RIMBP2: variants seen among roughly 807,000 people sequenced by gnomAD.
RIMBP2 encodes RIMS binding protein 2.
Under a neutral mutation model 118.6 loss-of-function variants are expected in RIMBP2, and 48 were observed. The ratio of observed to expected loss-of-function variants is 0.40; its 90% CI spans 0.32 to 0.51. The LOEUF is 0.51. RIMBP2 is among the 20% of genes least tolerant of loss of function. The pLI is 0.41. For synonymous variants in RIMBP2, 762 were observed against 742.9 expected, an observed-to-expected ratio of 1.03 and a Z score of -0.42; for missense variants, 1,551 against 1,768.3, an observed-to-expected ratio of 0.88 and a Z score of 2.20.
chr12:130,628,905 A>G (rs2061810760), intron 1 of RIMBP2, among the ~76,000 whole-genome samples: 1 of 152,216 alleles, frequency 6.6e-6, no homozygotes, highest in East Asian at 1.9e-4. Context: ...CCAGCCGATG[A>G]CAGAAAGAGT....
chr12:130,713,171 GAAGAAGGAAGGAAGGA>G (rs1424875471), intron 1 of RIMBP2, among the ~76,000 whole-genome samples: 1 of 114,772 alleles, frequency 8.7e-6, no homozygotes, highest in African/African-American at 3.9e-5. Context: ...AAGAGTGAGA[GAAGAAGGAAGGAAGGA>G]AAGAAGGAAG....
At chr12:130,626,645 C>T (rs2061654405) in intron 2 of RIMBP2, among the ~76,000 whole-genome samples, 1 of 151,658 alleles carries the variant, frequency 6.6e-6, no homozygotes, top group African/African-American at 2.4e-5. Context: ...TCACCACAAT[C>T]TCCTCCATCA....
chr12:130,412,680 C>G lies in RIMBP2; in HGVS notation c.3528G>C (p.Glu1176Asp). ...MVSEIQADDE[E>D]MMDQLLRQGF... ...CCTGTCTAAGAAGCTGATCCATCAT[C>G]TCCTCATCATCTGCTTGTATCTCAG... Residue 1176 changes from glutamate to aspartate, a missense_variant, in exon 19 of 23, where the codon GAG becomes GAC. By Grantham distance (45) the Glu-to-Asp change is conservative (BLOSUM62 2). Coordinates refer to ENST00000690449, the MANE Select transcript of RIMBP2 (RefSeq NM_001393629.1). 6.2e-7 allele frequency: 1 copy of G among 1,613,924 alleles called. No individual in the cohort carries two copies. The highest frequency in any genetic ancestry group is 8.5e-7 in the Non-Finnish European group (1 of 1,179,982).
chr12:130,399,950 G>A, intron 21 of RIMBP2, 137 bp from the exon 22 acceptor site: 2 of 983,250 alleles, frequency 2.0e-6, no homozygotes, highest in Non-Finnish European at 2.9e-6. Flanking sequence ...GACTTGAAAG[G>A]ACTCTAAATC....
intron 4 of RIMBP2, among the ~76,000 whole-genome samples, chr12:130,485,206 G>A (rs1460270182): frequency 1.3e-5 from 2 of 152,250 alleles, no homozygotes; most frequent in Non-Finnish European, 2.9e-5. Flanking sequence ...TGAGAAATCG[G>A]AATGTGGCTG....
intron 1 of RIMBP2, among the ~76,000 whole-genome samples, chr12:130,680,988 C>A (rs2064756300): frequency 6.6e-6 from 1 of 152,214 alleles, no homozygotes; most frequent in South Asian, 2.1e-4. Context: ...ATCTCTGTAG[C>A]ATCTACAGGG....
intron 12 of RIMBP2, 33 bp downstream of exon 12, chr12:130,438,332 C>A (rs765218611): frequency 2.8e-6 from 4 of 1,441,450 alleles, no homozygotes; most frequent in East Asian, 4.7e-5. Context: ...TAGGGCCTAA[C>A]AAACCCTCCC....
At chr12:130,480,544 TTTTTATTA>T (rs758434192) in intron 4 of RIMBP2, among the ~76,000 whole-genome samples, 2 of 152,224 alleles carry the variant, frequency 1.3e-5, no homozygotes, top group Non-Finnish European at 2.9e-5. Context: ...GGTCATTTAT[TTTTTATTA>T]TTTTATTATT....
chr12:130,404,263 G>A (rs2074942492), intron 21 of RIMBP2, among the ~76,000 whole-genome samples: 2 of 152,082 alleles, frequency 1.3e-5, no homozygotes, highest in Admixed American at 6.5e-5. Flanking sequence ...ATGCTAGGGG[G>A]AAAAATCATT....
rs935822283 is a variant in RIMBP2 at position 130,581,913 on chromosome 12, G to A, written c.-217+46409C>T. Among the ~76,000 whole-genome samples the A allele has an allele frequency of 6.6e-6, 1 of 152,116 alleles. No homozygotes were observed. Among genetic ancestry groups the A allele is most frequent in the East Asian group, 1.9e-4 (1 of 5,186 alleles). On this transcript the variant is annotated intron_variant, in intron 2 of 22. Transcript: ENST00000690449. The surrounding 1 kb of genome is among the most constrained non-coding windows in gnomAD (Gnocchi z 4.4). Reference sequence around the variant, plus strand: ...TTAAACCAAAGGCCCGAAAGGCTCTGCATGACCTGGCCTCTCCTCCCTCCC... The same window carrying A: ...TTAAACCAAAGGCCCGAAAGGCTCTACATGACCTGGCCTCTCCTCCCTCCC...
chr12:130,447,773 G>T lies in RIMBP2; in HGVS notation c.581+2427C>A, dbSNP rs552970374. Among the ~76,000 whole-genome samples, 1 of 152,306 alleles carries T rather than the reference G, an allele frequency of 6.6e-6. No individual in the cohort carries two copies. The highest frequency in any genetic ancestry group is 2.4e-5 in the African/African-American group (1 of 41,566). ...GAAGGACCCAGGAGCCCTCAGCAAG[G>T]CGTTCCCCACGGCGGAGGCTGCACC... is the stretch of plus-strand genomic sequence containing the variant. On this transcript the variant is annotated intron_variant, in intron 9 of 22. Coordinates refer to ENST00000690449, the MANE Select transcript of RIMBP2 (RefSeq NM_001393629.1). The surrounding 1 kb of genome is among the most constrained non-coding windows in gnomAD (Gnocchi z 4.4).
chr12:130,445,783 C>A (rs1196037209), intron 9 of RIMBP2, among the ~76,000 whole-genome samples: 1 of 152,154 alleles, frequency 6.6e-6, no homozygotes, highest in East Asian at 1.9e-4. Flanking sequence ...AACATATTAA[C>A]ATACTTTATT....
chr12:130,458,239 G>C (rs2079629582), intron 6 of RIMBP2, among the ~76,000 whole-genome samples: 1 of 152,104 alleles, frequency 6.6e-6, no homozygotes, highest in Non-Finnish European at 1.5e-5. Flanking sequence ...TAATTTCTTT[G>C]ATTCATTAAA....
intron 4 of RIMBP2, among the ~76,000 whole-genome samples, chr12:130,491,421 G>A (rs2048630326): frequency 6.6e-6 from 1 of 152,188 alleles, no homozygotes; most frequent in Non-Finnish European, 1.5e-5. Context: ...GGGATGTGCT[G>A]ATGTTTGCTG....
At chr12:130,546,568 T>C (rs539701987) in intron 2 of RIMBP2, among the ~76,000 whole-genome samples, 3 of 152,310 alleles carry the variant, frequency 2.0e-5, no homozygotes, top group East Asian at 3.9e-4. Context: ...AGTGCTGGGA[T>C]TACAGGCTGA....
In RIMBP2 at chr12:130,568,068, T is replaced by C. The variant is rs1218346278; in HGVS notation, c.-216-50151A>G. ...CAAAAGATAGCCTGCTGATTGGAAATCTAACATCAGGTGTCCCTCCATTCC... is the reference window on the plus strand; with the variant it reads ...CAAAAGATAGCCTGCTGATTGGAAACCTAACATCAGGTGTCCCTCCATTCC... On this transcript the variant is annotated intron_variant, in intron 2 of 22. Transcript: ENST00000690449. Among the ~76,000 whole-genome samples the C allele has an allele frequency of 2.0e-5, 3 of 152,318 alleles. No individual in the cohort carries two copies. In the South Asian group the frequency reaches 6.2e-4, roughly 32 times the overall value.
At chr12:130,493,551 G>C (rs1039386923) in intron 4 of RIMBP2, among the ~76,000 whole-genome samples, 10 of 152,242 alleles carry the variant, frequency 6.6e-5, no homozygotes, top group African/African-American at 2.4e-4. Context: ...CTGACCTCAG[G>C]TGATCTGCCT....
At chr12:130,614,633 C>A (rs543465630) in intron 2 of RIMBP2, among the ~76,000 whole-genome samples, 2 of 152,146 alleles carry the variant, frequency 1.3e-5, no homozygotes, top group African/African-American at 4.8e-5. Context: ...ACATGAAGAT[C>A]TTTAGCATAG....
chr12:130,544,793 A>G (rs931259387), intron 2 of RIMBP2, among the ~76,000 whole-genome samples: 1 of 151,748 alleles, frequency 6.6e-6, no homozygotes, highest in East Asian at 1.9e-4. Flanking sequence ...GGGTTTCACC[A>G]TGTTACCCAA....
Sources: gnomAD v4.1 joint callset for allele counts (sites outside exome capture counted in the v4.1 genomes callset) on GRCh38, gnomAD v4.1.1 for gene constraint, Gnocchi (gnomAD v3.1) non-coding constraint, MANE v1.5 for transcripts, NCBI Gene and HGNC (gene_info 2026-07-23, HGNC 2026-07-21) for gene names.